BRCA1: variants seen among roughly 807,000 people sequenced by gnomAD.
The protein encoded by BRCA1 is BRCA1 DNA repair associated.
Under a neutral mutation model 173.7 loss-of-function variants are expected in BRCA1, and 140 were observed. The ratio of observed to expected loss-of-function variants is 0.81; its 90% CI spans 0.70 to 0.93. BRCA1 has a LOEUF of 0.93. Among genes scored for constraint, BRCA1 ranks in the 40% least tolerant of loss-of-function variants. BRCA1 has a pLI of 0.00. For synonymous variants in BRCA1, 662 were observed against 756.0 expected (o/e 0.88, Z 2.04); for missense variants, 1,983 against 2,172.5 (o/e 0.91, Z 1.73).
intron 2 of BRCA1, among the ~76,000 whole-genome samples, chr17:43,116,912 T>C (rs1355437546): frequency 6.6e-6 from 1 of 152,228 alleles, no homozygotes; most frequent in African/African-American, 2.4e-5. Context: ...GTTTCCCCCA[T>C]TCTGGATTTT....
At chr17:43,098,744 C>A (rs1398382989) in intron 7 of BRCA1, among the ~76,000 whole-genome samples, 1 of 151,810 alleles carries the variant, frequency 6.6e-6, no homozygotes, top group Non-Finnish European at 1.5e-5. Flanking sequence ...GTGGACTCAA[C>A]CAATCCTTCT....
At chr17:43,109,593 A>C (rs2154559070) in intron 3 of BRCA1, among the ~76,000 whole-genome samples, 1 of 152,236 alleles carries the variant, frequency 6.6e-6, no homozygotes, top group Non-Finnish European at 1.5e-5. Flanking sequence ...GGCTGTCAAA[A>C]AGCTACCTCC....
chr17:43,091,113 G>T (rs2154260826), intron 10 of BRCA1, 81 bp from the exon 11 acceptor site: 1 of 1,276,824 alleles, frequency 7.8e-7, no homozygotes, highest in Non-Finnish European at 1.1e-6. Context: ...CTTCTCATTG[G>T]CAGGACTGGA....
At chr17:43,083,586 C>T (rs1481953809) in intron 11 of BRCA1, among the ~76,000 whole-genome samples, 1 of 152,166 alleles carries the variant, frequency 6.6e-6, no homozygotes, top group Non-Finnish European at 1.5e-5. Flanking sequence ...ATATAGCCCT[C>T]ATGGTGCTGC....
intron 6 of BRCA1, among the ~76,000 whole-genome samples, chr17:43,103,562 T>C (rs2054584818): frequency 6.6e-6 from 1 of 151,906 alleles, no homozygotes; most frequent in African/African-American, 2.4e-5. Flanking sequence ...ACTCAAGTGA[T>C]CCTCCCATTT....
chr17:43,161,457 A>G (rs2056235380), intron 1 of BRCA1: 1 of 152,222 alleles, frequency 6.6e-6, no homozygotes, highest in Non-Finnish European at 1.5e-5. Context: ...GACAGTAGGA[A>G]GAAAGATGGT....
At chr17:43,158,747 G>A (rs756281655) in intron 1 of BRCA1, among the ~76,000 whole-genome samples, 3 of 152,172 alleles carry the variant, frequency 2.0e-5, no homozygotes, top group Non-Finnish European at 4.4e-5. Context: ...GTACATAAAC[G>A]AAACAAAAAT....
At chr17:43,045,874 C>T (rs2152629924) in intron 22 of BRCA1, 72 bp from the exon 23 acceptor site, 1 of 1,600,608 alleles carries the variant, frequency 6.2e-7, no homozygotes, top group Non-Finnish European at 8.5e-7. Flanking sequence ...TCAATCGACT[C>T]CAGGGTCCTG....
At chr17:43,073,895 C>T (rs2052565352) in intron 14 of BRCA1, among the ~76,000 whole-genome samples, 1 of 152,062 alleles carries the variant, frequency 6.6e-6, no homozygotes, top group Non-Finnish European at 1.5e-5. Flanking sequence ...GCTAGGATTA[C>T]GGGCATGCAC....
At chr17:43,137,980 A>G (rs1440727398) in intron 1 of BRCA1, among the ~76,000 whole-genome samples, 1 of 151,512 alleles carries the variant, frequency 6.6e-6, no homozygotes, top group East Asian at 1.9e-4. Context: ...TGAGGTCAGG[A>G]GTTTGAGACC....
intron 8 of BRCA1, 29 bp from the exon 9 acceptor site, chr17:43,095,951 G>A (rs1338886710): frequency 6.4e-7 from 1 of 1,554,246 alleles, no homozygotes; most frequent in Non-Finnish European, 8.9e-7. Context: ...GTCCTAATAA[G>A]AAACACTAGT....
chr17:43,078,715 T>C (rs1462873008), intron 12 of BRCA1, among the ~76,000 whole-genome samples: 4 of 152,222 alleles, frequency 2.6e-5, no homozygotes, highest in East Asian at 1.9e-4. Flanking sequence ...GCATTATTTA[T>C]AGTTTCCTTT....
At chr17:43,111,624 A>G (rs1221524333) in intron 3 of BRCA1, among the ~76,000 whole-genome samples, 1 of 152,014 alleles carries the variant, frequency 6.6e-6, no homozygotes, top group Non-Finnish European at 1.5e-5. Context: ...GATCGAGACC[A>G]TCCTGGCTAA....
At chr17:43,100,670 ATATATATAATATATATAT>A (rs1567807613) in intron 6 of BRCA1, among the ~76,000 whole-genome samples, 21 of 29,104 alleles carry the variant, frequency 7.2e-4, no homozygotes, top group African/African-American at 6.4e-3. Flanking sequence ...ATATATATAT[ATATATATAATATATATAT>A]ATATATATAT....
rs273901742 is a variant in BRCA1 at position 43,071,022 on chromosome 17, C to A, written c.4892G>T (p.Ser1631Ile). 1 of 1,614,238 alleles carries A rather than the reference C, an allele frequency of 6.2e-7. No individual in the cohort carries two copies. Among genetic ancestry groups the A allele is most frequent in the South Asian group, 1.1e-5 (1 of 91,092 alleles). Reference sequence around the variant, plus strand: ...CAATTCTGGCTTCTCCCTGCTCACACTTTCTTCCATTGCATTATACCCAGC... The same window carrying A: ...CAATTCTGGCTTCTCCCTGCTCACAATTTCTTCCATTGCATTATACCCAGC... ...DTAGYNAMEE[S>I]VSREKPELTA... Residue 1631 changes from serine to isoleucine, a missense_variant, in exon 15 of 23, where the codon AGT becomes ATT. By Grantham distance (142) the Ser-to-Ile change is moderately radical. Transcript: ENST00000357654.
intron 6 of BRCA1, among the ~76,000 whole-genome samples, chr17:43,100,676 ATAAT>A (rs377466939): frequency 0.32 from 9,028 of 27,824 alleles, 1,649 homozygotes; most frequent in East Asian, 0.51. Flanking sequence ...ATATATATAT[ATAAT>A]ATATATATAT....
chr17:43,052,780 A>AACACAC (rs562562021), intron 19 of BRCA1, among the ~76,000 whole-genome samples: 1,570 of 117,988 alleles, frequency 0.013, 15 homozygotes, highest in African/African-American at 0.031. Context: ...GACGGACAGA[A>AACACAC]ACACACACAC....
At chr17:43,107,128 G>C (rs966001127) in intron 3 of BRCA1, among the ~76,000 whole-genome samples, 2 of 142,968 alleles carry the variant, frequency 1.4e-5, no homozygotes, top group African/African-American at 5.3e-5. Flanking sequence ...GCAGTGGCAC[G>C]ATCTCGGCTC....
In BRCA1 at chr17:43,100,633, T is replaced by TCAC. The variant is rs1597890170; in HGVS notation, c.442-754_442-753insGTG. Among the ~76,000 whole-genome samples, 32 of 52,296 alleles carry TCAC rather than the reference T, an allele frequency of 6.1e-4. 3 individuals are homozygous for TCAC. Among genetic ancestry groups the TCAC allele is most frequent in the South Asian group, 1.3e-3 (2 of 1,592 alleles). 34.3% of individuals were successfully genotyped at this position (52,296 alleles called of 152,430 possible). A position where few individuals can be genotyped will look rare whatever the true frequency, so the allele number is the denominator to read the frequency against. ...ACATATATATAACATATATATATGT[T>TCAC]ATATATATATAACATATATATAACA... On this transcript the variant is annotated intron_variant, in intron 6 of 22. Transcript: ENST00000357654.
Sources: allele counts gnomAD v4.1 joint callset (sites outside exome capture counted in the v4.1 genomes callset), GRCh38; gene constraint gnomAD v4.1.1; transcripts MANE v1.5; gene names NCBI Gene and HGNC (gene_info 2026-07-23, HGNC 2026-07-21).